The following EHBP1 variants were observed in gnomAD, a reference collection of about 807,000 sequenced individuals.
EHBP1 encodes EH domain-binding protein 1.
In EHBP1, 55 loss-of-function variants were observed where a neutral mutation model predicts 144.0. That is an observed-to-expected ratio of 0.38 (90% confidence interval 0.31 to 0.48). The LOEUF is 0.48. EHBP1 is among the 20% of genes least tolerant of loss of function. EHBP1 has a pLI of 0.98. For synonymous variants in EHBP1, 469 were observed against 472.7 expected, an observed-to-expected ratio of 0.99 and a Z score of 0.10; for missense variants, 1,200 against 1,364.2, an observed-to-expected ratio of 0.88 and a Z score of 1.90.
intron 13 of EHBP1, among the ~76,000 whole-genome samples, 156 bp downstream of exon 13, chr2:62,949,318 C>G (rs1318725456): frequency 6.6e-6 from 1 of 152,046 alleles, no homozygotes; most frequent in Non-Finnish European, 1.5e-5. Flanking sequence ...GCCTAAGTCC[C>G]CACTATTTGG....
intron 19 of EHBP1, among the ~76,000 whole-genome samples, chr2:63,009,440 T>A (rs2060181317): frequency 1.3e-5 from 2 of 151,544 alleles, no homozygotes; most frequent in African/African-American, 4.8e-5. Flanking sequence ...AAGGAAGGAA[T>A]GGGGTATGGG....
At chr2:62,695,709 CTTA>C (rs1220459570) in intron 1 of EHBP1, among the ~76,000 whole-genome samples, 1 of 151,918 alleles carries the variant, frequency 6.6e-6, no homozygotes, top group Non-Finnish European at 1.5e-5. Context: ...ACGTTTAATC[CTTA>C]TTATTTTTAT....
At position 62,705,956 on chromosome 2, in the gene EHBP1, G is replaced by T. The variant is rs559083053; in HGVS notation, c.-392G>T. Reference sequence around the variant, plus strand: ...TCCATGTGGCTCCGGCGGGGATGGAGGACTCGGTGGCGGCGGCGGCTGCTG... The same window carrying T: ...TCCATGTGGCTCCGGCGGGGATGGATGACTCGGTGGCGGCGGCGGCTGCTG... On this transcript the variant is annotated 5_prime_UTR_variant, in exon 1 of 23. It adds an upstream start codon to the 5' untranslated region. Coordinates refer to ENST00000431489, the MANE Select transcript of EHBP1 (RefSeq NM_001142616.3). The T allele has an allele frequency of 6.8e-4, 117 of 171,776 alleles. 1 individual carries two copies. Among genetic ancestry groups the T allele is most frequent in the South Asian group, 6.1e-3 (58 of 9,472 alleles). 10.6% of individuals were successfully genotyped at this position (171,776 alleles called of 1,614,324 possible).
At position 63,046,256 on chromosome 2, in the gene EHBP1, A is replaced by G. The variant is rs1288322321; in HGVS notation, c.*756A>G. On this transcript the variant is annotated 3_prime_UTR_variant, in exon 23 of 23. Transcript: ENST00000431489. Reference sequence around the variant, plus strand: ...TTTTCTCTGGATAATTATTTCTTACATCATGCTTGATTCCTACATTTTGTT... The same window carrying G: ...TTTTCTCTGGATAATTATTTCTTACGTCATGCTTGATTCCTACATTTTGTT... 6.6e-6 allele frequency: 1 copy of G among 152,664 alleles called. No homozygotes were observed. The highest frequency in any genetic ancestry group is 1.5e-5 in the Non-Finnish European group (1 of 68,040). The allele number at this position is 152,664 out of a possible 1,614,324, so 9.5% of individuals were successfully genotyped here. A position where few individuals can be genotyped will look rare whatever the true frequency, so the allele number is the denominator to read the frequency against.
chr2:62,764,280 A>G lies in EHBP1; in HGVS notation c.177A>G (p.Gln59=). 1 of 1,569,574 alleles carries G rather than the reference A, an allele frequency of 6.4e-7. No homozygotes were observed. ...TATTCTGGTAGGCACATAGCTGGCA[A>G]CCTGGAATAAAAAATCCCTATCGTG... ...RRKSSKAHSW[Q]PGIKNPYRGV... is the part of the protein sequence containing the mutation. The change falls in exon 4 of 23, where the codon CAA becomes CAG. Residue 59 remains glutamine (Q), a synonymous_variant. Coordinates refer to ENST00000431489, the MANE Select transcript of EHBP1 (RefSeq NM_001142616.3).
chr2:62,979,457 T>A (rs2058862918), intron 15 of EHBP1, 122 bp downstream of exon 15: 1 of 1,046,492 alleles, frequency 9.6e-7, no homozygotes, highest in African/African-American at 1.6e-5. Context: ...AACCTATTGA[T>A]ATGTTGCAAA....
chr2:62,762,345 C>G (rs1195433433), intron 3 of EHBP1, among the ~76,000 whole-genome samples: 1 of 152,138 alleles, frequency 6.6e-6, no homozygotes, highest in Non-Finnish European at 1.5e-5. Flanking sequence ...TTTATCTGTA[C>G]TCACTCCCTT....
intron 7 of EHBP1, 23 bp downstream of exon 7, chr2:62,831,181 TA>T: frequency 6.4e-7 from 1 of 1,569,424 alleles, no homozygotes; most frequent in Non-Finnish European, 8.6e-7. Flanking sequence ...AGCATTAAAC[TA>T]AAAGTTTATC....
chr2:62,819,750 C>G (rs1408655303), intron 5 of EHBP1, among the ~76,000 whole-genome samples: 1 of 147,690 alleles, frequency 6.8e-6, no homozygotes, highest in African/African-American at 2.5e-5. Context: ...GGTGACAGAG[C>G]GAGACTCCAG....
chr2:62,787,728 A>C (rs533059491), intron 5 of EHBP1, among the ~76,000 whole-genome samples: 7 of 152,310 alleles, frequency 4.6e-5, no homozygotes, highest in South Asian at 2.1e-4. Context: ...ATTGTGCCAA[A>C]GGGAGATGAT....
In EHBP1 at chr2:62,993,453, T is replaced by C. The variant is rs555337700; in HGVS notation, c.2734-77T>C. Reference sequence around the variant, plus strand: ...CTAAATCAGTGTTATCTTAAATCAGTAAAAATTGCCTTACTAATGTGTAAT... The same window carrying C: ...CTAAATCAGTGTTATCTTAAATCAGCAAAAATTGCCTTACTAATGTGTAAT... On this transcript the variant is annotated intron_variant, in intron 16 of 22. Coordinates refer to ENST00000431489, the MANE Select transcript of EHBP1 (RefSeq NM_001142616.3). 9.3e-6 allele frequency: 12 copies of C among 1,285,984 alleles called. No individual in the cohort carries two copies. In the South Asian group the frequency reaches 3.0e-4, roughly 32 times the overall value. The allele number at this position is 1,285,984 out of a possible 1,614,324, so 79.7% of individuals were successfully genotyped here. A position where few individuals can be genotyped will look rare whatever the true frequency, so the allele number is the denominator to read the frequency against.
chr2:63,018,849 T>G (rs2060587427), intron 19 of EHBP1, among the ~76,000 whole-genome samples: 2 of 152,194 alleles, frequency 1.3e-5, no homozygotes, highest in African/African-American at 4.8e-5. Flanking sequence ...GCAATAAAAT[T>G]TTTTAACATT....
chr2:62,760,327 C>T (rs144901127), intron 3 of EHBP1, among the ~76,000 whole-genome samples: 1 of 151,988 alleles, frequency 6.6e-6, no homozygotes, highest in African/African-American at 2.4e-5. Context: ...GTTGTACAGC[C>T]CCAGAAGGAA....
At chr2:62,922,102 G>A (rs1478085142) in intron 10 of EHBP1, among the ~76,000 whole-genome samples, 1 of 152,172 alleles carries the variant, frequency 6.6e-6, no homozygotes. Context: ...TTGCACCTGG[G>A]AGGTGGAGGT....
At chr2:62,822,080 T>C (rs534890204) in intron 5 of EHBP1, among the ~76,000 whole-genome samples, 3 of 152,330 alleles carry the variant, frequency 2.0e-5, no homozygotes, top group African/African-American at 7.2e-5. Context: ...TCATTCATTC[T>C]AACCAAAAGT....
At chr2:63,020,033 A>G (rs1171835432) in intron 19 of EHBP1, among the ~76,000 whole-genome samples, 2 of 152,080 alleles carry the variant, frequency 1.3e-5, no homozygotes, top group African/African-American at 4.8e-5. Flanking sequence ...TACTAAAAGT[A>G]CGAAAATTAA....
chr2:62,956,551 A>C (rs1165913637), intron 14 of EHBP1, among the ~76,000 whole-genome samples: 1 of 152,086 alleles, frequency 6.6e-6, no homozygotes, highest in Non-Finnish European at 1.5e-5. Context: ...CTATTCCTGC[A>C]TTAAAAACCA....
At chr2:62,822,942 G>C (rs189258437) in intron 5 of EHBP1, among the ~76,000 whole-genome samples, 10 of 152,206 alleles carry the variant, frequency 6.6e-5, no homozygotes, top group Middle Eastern at 6.8e-3. Context: ...AAAAATAAGT[G>C]ACATTTTTAA....
chr2:62,977,810 A>G (rs2058783542), intron 14 of EHBP1, among the ~76,000 whole-genome samples: 1 of 152,222 alleles, frequency 6.6e-6, no homozygotes, highest in African/African-American at 2.4e-5. Flanking sequence ...ACGTAGACAC[A>G]CATGAAGTAC....
Sources: allele counts gnomAD v4.1 joint callset (sites outside exome capture counted in the v4.1 genomes callset), GRCh38; gene constraint gnomAD v4.1.1; transcripts MANE v1.5; gene names NCBI Gene and HGNC (gene_info 2026-07-23, HGNC 2026-07-21).